Variants in ZNF609 observed in about 807,000 individuals in gnomAD.
ZNF609 encodes the protein zinc finger protein 609.
Under a neutral mutation model 109.5 loss-of-function variants are expected in ZNF609, and 11 were observed. The ratio of observed to expected loss-of-function variants is 0.10; its 90% CI spans 0.06 to 0.17. ZNF609 has a LOEUF of 0.17. Ranked by LOEUF, ZNF609 falls within the 10% of genes least tolerant of loss-of-function variation. The pLI is 1.00. For synonymous variants in ZNF609, 646 were observed against 662.0 expected (o/e 0.98, Z 0.37); for missense variants, 1,559 against 1,772.4 (o/e 0.88, Z 2.16).
At chr15:64,491,684 C>G (rs989478050) in intron 1 of ZNF609, among the ~76,000 whole-genome samples, 3 of 151,340 alleles carry the variant, frequency 2.0e-5, no homozygotes. Context: ...CCATCCCTCT[C>G]AAAAATAAAA....
rs1411928949 is a variant in ZNF609, at chr15:64,534,968, G to T, written c.747+34802G>T. On this transcript the variant is annotated intron_variant, in intron 2 of 9. Transcript: ENST00000326648. ...GAATTGCTTGAACCTGGGAGGCAGA[G>T]GTTGCAGTGAGCCGAGATCATGCCA... 2.0e-5 allele frequency among the ~76,000 whole-genome samples: 3 copies of T among 151,938 alleles called. No homozygotes were observed. The East Asian group carries it at 5.8e-4, about 29-fold the overall frequency.
intron 2 of ZNF609, among the ~76,000 whole-genome samples, chr15:64,579,748 C>T (rs1449295931): frequency 2.6e-5 from 4 of 152,078 alleles, no homozygotes; most frequent in Admixed American, 6.6e-5. Flanking sequence ...GCTCTGTTCC[C>T]TTCTTTGTCC....
rs1010484119 is a variant in ZNF609, at chr15:64,682,932, G to A, written c.*1246G>A. 6.6e-6 allele frequency: 1 copy of A among 152,572 alleles called. No individual in the cohort carries two copies. The highest frequency in any genetic ancestry group is 6.6e-5 in the Admixed American group (1 of 15,266). 9.5% of individuals were successfully genotyped at this position (152,572 alleles called of 1,614,324 possible). On this transcript the variant is annotated 3_prime_UTR_variant, in exon 10 of 10. Transcript: ENST00000326648. Reference sequence around the variant, plus strand: ...GCCATGGGAGGTTATTTGTTCCTTAGACCCTGGAATAACACATCCAAGCCA... The same window carrying A: ...GCCATGGGAGGTTATTTGTTCCTTAAACCCTGGAATAACACATCCAAGCCA...
intron 2 of ZNF609, among the ~76,000 whole-genome samples, chr15:64,541,839 CAAAAAAAAAAAAA>C (rs59597800): frequency 2.4e-5 from 1 of 42,206 alleles, no homozygotes; most frequent in South Asian, 9.5e-4. Context: ...GACTCCAACT[CAAAAAAAAAAAAA>C]AAAAAAAAAA....
At chr15:64,633,933 A>G (rs553150732) in intron 3 of ZNF609, among the ~76,000 whole-genome samples, 2 of 152,254 alleles carry the variant, frequency 1.3e-5, no homozygotes, top group African/African-American at 4.8e-5. Context: ...CATGCCTCGT[A>G]TAGCCACCGT....
chr15:64,514,967 A>AT (rs1431051696), intron 2 of ZNF609, among the ~76,000 whole-genome samples: 1 of 151,750 alleles, frequency 6.6e-6, no homozygotes, highest in East Asian at 1.9e-4. Flanking sequence ...TCCTGCTTTA[A>AT]TTTTTTGTTG....
chr15:64,486,294 C>T (rs1893332059), intron 1 of ZNF609, among the ~76,000 whole-genome samples: 1 of 152,140 alleles, frequency 6.6e-6, no homozygotes, highest in African/African-American at 2.4e-5. Flanking sequence ...AAGGCCAAGG[C>T]AGGCGGATCA....
At position 64,583,046 on chromosome 15, in the gene ZNF609, G is replaced by A. The variant is rs151088344; in HGVS notation, c.748-39781G>A. On this transcript the variant is annotated intron_variant, in intron 2 of 9. Transcript: ENST00000326648. The stretch of plus-strand genomic sequence containing the variant: ...GATTACAGGCATGAGCCACCACGCC[G>A]GGCCAAGACAAGAGTCTTGCTCTGT... 4.2e-3 allele frequency among the ~76,000 whole-genome samples: 632 copies of A among 149,730 alleles called. 8 individuals carry two copies. The highest frequency in any genetic ancestry group is 0.015 in the African/African-American group (599 of 40,840).
chr15:64,497,041 C>A (rs748660224), intron 1 of ZNF609, among the ~76,000 whole-genome samples: 1 of 152,214 alleles, frequency 6.6e-6, no homozygotes, highest in Non-Finnish European at 1.5e-5. Context: ...TCTCAAACTC[C>A]TGGGCTCAAG....
At chr15:64,558,067 G>A (rs1411702802) in intron 2 of ZNF609, among the ~76,000 whole-genome samples, 1 of 152,068 alleles carries the variant, frequency 6.6e-6, no homozygotes, top group South Asian at 2.1e-4. Flanking sequence ...TTGCTTTTTG[G>A]TTTGTTATTT....
At chr15:64,538,434 T>C (rs1894190159) in intron 2 of ZNF609, among the ~76,000 whole-genome samples, 1 of 152,258 alleles carries the variant, frequency 6.6e-6, no homozygotes, top group Admixed American at 6.5e-5. Flanking sequence ...TATTTGTAAA[T>C]TTGGCTCATC....
chr15:64,538,882 T>A (rs1567008620), intron 2 of ZNF609, among the ~76,000 whole-genome samples: 1 of 152,138 alleles, frequency 6.6e-6, no homozygotes, highest in Non-Finnish European at 1.5e-5. Context: ...AAACCCAGGC[T>A]AGAGTGCAGT....
At position 64,577,032 on chromosome 15, in the gene ZNF609, ATG is replaced by A. The variant is rs1894980255; in HGVS notation, c.748-45793_748-45792del. On this transcript the variant is annotated intron_variant, in intron 2 of 9. Coordinates refer to ENST00000326648, the MANE Select transcript of ZNF609 (RefSeq NM_015042.2). The stretch of plus-strand genomic sequence containing the variant: ...TGTATGTATACACATAAATATATAT[ATG>A]TATATATACACATAAATATATACAT... 8.4e-5 allele frequency among the ~76,000 whole-genome samples: 11 copies of A among 130,968 alleles called. 4 individuals carry two copies. Among genetic ancestry groups the A allele is most frequent in the Non-Finnish European group, 1.4e-4 (9 of 63,344 alleles). The allele number at this position is 130,968 out of a possible 152,430, so 85.9% of individuals were successfully genotyped here. A position where few individuals can be genotyped will look rare whatever the true frequency, so the allele number is the denominator to read the frequency against.
chr15:64,587,577 A>G (rs1895218237), intron 2 of ZNF609, among the ~76,000 whole-genome samples: 1 of 152,184 alleles, frequency 6.6e-6, no homozygotes, highest in Non-Finnish European at 1.5e-5. Context: ...TTAGATTTTC[A>G]AAAGTGTTCA....
At chr15:64,648,810 C>T (rs1896373157) in intron 3 of ZNF609, among the ~76,000 whole-genome samples, 1 of 149,430 alleles carries the variant, frequency 6.7e-6, no homozygotes, top group African/African-American at 2.5e-5. Context: ...GTATCTGGGA[C>T]TAAGCATCCT....
Position 64,680,181 on chromosome 15 carries a change from A to G in ZNF609, c.3770-4A>G, listed in dbSNP as rs1896861815. The G allele has an allele frequency of 6.2e-7, 1 of 1,613,818 alleles. No homozygotes were observed. Among genetic ancestry groups the G allele is most frequent in the East Asian group, 2.2e-5 (1 of 44,866 alleles). On this transcript the variant is annotated splice_polypyrimidine_tract_variant and splice_region_variant and intron_variant, in intron 6 of 9. Transcript: ENST00000326648. ...CTTTGACTGTTTGATTTCTCCTTCC[A>G]CAGGTTCCTACCTGCCTTCCAGCTA...
At chr15:64,525,377 A>G (rs1477054464) in intron 2 of ZNF609, among the ~76,000 whole-genome samples, 1 of 152,182 alleles carries the variant, frequency 6.6e-6, no homozygotes, top group Admixed American at 6.5e-5. Flanking sequence ...CTTGTTGAAA[A>G]TTAATTGACC....
chr15:64,637,190 T>C (rs1029576183), intron 3 of ZNF609, among the ~76,000 whole-genome samples: 1 of 152,230 alleles, frequency 6.6e-6, no homozygotes, highest in African/African-American at 2.4e-5. Flanking sequence ...CTGTTCAACA[T>C]TGTGCCAGTG....
At chr15:64,501,359 C>T (rs1893559987) in intron 2 of ZNF609, 1 of 152,264 alleles carries the variant, frequency 6.6e-6, no homozygotes, top group Non-Finnish European at 1.5e-5. Context: ...GCCTCTGGCA[C>T]ATCTGTAGCT....
Sources: gnomAD v4.1 joint callset for allele counts (sites outside exome capture counted in the v4.1 genomes callset) on GRCh38, gnomAD v4.1.1 for gene constraint, MANE v1.5 for transcripts, NCBI Gene and HGNC (gene_info 2026-07-23, HGNC 2026-07-21) for gene names.